The following KAT6A variants were observed in gnomAD, a reference collection of about 807,000 sequenced individuals.
The protein encoded by KAT6A is histone acetyltransferase KAT6A.
A neutral mutation model predicts 198.4 loss-of-function variants in KAT6A; 9 were observed. That is an observed-to-expected ratio of 0.05 (90% CI 0.03 to 0.08). The LOEUF is 0.08. KAT6A is among the 10% of genes least tolerant of loss of function. The pLI is 1.00. For synonymous variants in KAT6A, 890 were observed against 883.0 expected, an observed-to-expected ratio of 1.01 and a Z score of -0.14; for missense variants, 2,077 against 2,509.9, an observed-to-expected ratio of 0.83 and a Z score of 3.69.
rs759971264 is a variant in KAT6A at position 41,934,143 on chromosome 8, A to G, written c.4077T>C (p.Ser1359=). The change falls in exon 17 of 17, where the codon AGT becomes AGC. Residue 1359 remains serine, a synonymous_variant. Transcript: ENST00000265713. ...CCTCTTTATCCTTTATCTTTTCCCTACTCTTCTGCATATTAGCATCTAAAA... is the reference window on the plus strand; with the variant it reads ...CCTCTTTATCCTTTATCTTTTCCCTGCTCTTCTGCATATTAGCATCTAAAA... The part of the protein sequence containing the change: ...ESFLDANMQK[S]REKIKDKEET... 10 of 1,611,868 alleles carry G rather than the reference A, an allele frequency of 6.2e-6. No homozygotes were observed. The South Asian group carries it at 1.1e-4, about 18-fold the overall frequency.
intron 1 of KAT6A, 64 bp downstream of exon 1, chr8:42,051,837 T>A (rs1480641078): frequency 6.8e-6 from 1 of 146,686 alleles, no homozygotes; most frequent in Non-Finnish European, 1.5e-5. Context: ...GAGTGGGCCC[T>A]GGAGCGGCTC....
intron 2 of KAT6A, among the ~76,000 whole-genome samples, chr8:42,033,738 T>C (rs1345526337): frequency 6.6e-6 from 1 of 152,200 alleles, no homozygotes; most frequent in Non-Finnish European, 1.5e-5. Flanking sequence ...ATGTCTGCTT[T>C]ACCTACTCTG....
intron 8 of KAT6A, among the ~76,000 whole-genome samples, chr8:41,962,404 T>C (rs1457703833): frequency 1.4e-4 from 22 of 152,178 alleles, no homozygotes; most frequent in Admixed American, 1.4e-3. Flanking sequence ...TCTCAGTAGA[T>C]GGCAACTCCG....
chr8:41,984,621 G>T (rs1824514878), intron 3 of KAT6A, among the ~76,000 whole-genome samples: 1 of 152,156 alleles, frequency 6.6e-6, no homozygotes. Flanking sequence ...CTAAGATTTA[G>T]AGTAATTTAT....
chr8:41,934,170 A>C lies in KAT6A; in HGVS notation c.4050T>G (p.Ser1350=). The change falls in exon 17 of 17, where the codon TCT becomes TCG. Residue 1350 remains serine (S), a synonymous_variant. Transcript: ENST00000265713. The part of the protein sequence containing the change: ...DVKEEPGVQE[S]FLDANMQKSR... ...TCTTCTGCATATTAGCATCTAAAAA[A>C]GACTCTTGAACACCAGGCTCCTCCT... 3 of 1,614,126 alleles carry C rather than the reference A, an allele frequency of 1.9e-6. No homozygotes were observed.
chr8:42,019,944 T>C (rs960141445), intron 2 of KAT6A, among the ~76,000 whole-genome samples: 1 of 152,206 alleles, frequency 6.6e-6, no homozygotes. Context: ...CAATCACATG[T>C]ATAATATATT....
At chr8:41,989,127 G>C (rs1450455330) in intron 2 of KAT6A, among the ~76,000 whole-genome samples, 1 of 152,122 alleles carries the variant, frequency 6.6e-6, no homozygotes, top group African/African-American at 2.4e-5. Flanking sequence ...AGCCCCACCA[G>C]GTTCAAAAAG....
At chr8:41,997,389 A>G (rs1825270610) in intron 2 of KAT6A, among the ~76,000 whole-genome samples, 1 of 152,212 alleles carries the variant, frequency 6.6e-6, no homozygotes, top group African/African-American at 2.4e-5. Flanking sequence ...AAACAGAATT[A>G]GAAATATAAT....
intron 2 of KAT6A, among the ~76,000 whole-genome samples, chr8:42,004,993 C>CTA (rs1427170810): frequency 6.6e-6 from 1 of 151,302 alleles, no homozygotes; most frequent in East Asian, 1.9e-4. Context: ...CCTTGTAAGT[C>CTA]TAGCTTCTTT....
intron 2 of KAT6A, among the ~76,000 whole-genome samples, chr8:42,002,990 G>A (rs1224552627): frequency 1.3e-5 from 2 of 152,154 alleles, no homozygotes. Flanking sequence ...CTATTAAGCT[G>A]CTGTGTCTCA....
At position 42,033,959 on chromosome 8, in the gene KAT6A, T is replaced by C. The variant is rs375765840; in HGVS notation, c.600+14419A>G. On this transcript the variant is annotated intron_variant, in intron 2 of 16. Coordinates refer to ENST00000265713, the MANE Select transcript of KAT6A (RefSeq NM_006766.5). ...AAAAAGTACTATGTAAAATGGTCTA[T>C]GATGCAAGTGTGTACGGACATATGC... 8.5e-5 allele frequency among the ~76,000 whole-genome samples: 13 copies of C among 152,316 alleles called. No homozygotes were observed. In the South Asian group the frequency reaches 1.7e-3, roughly 19 times the overall value.
Position 41,942,829 on chromosome 8 carries a change from T to C in KAT6A, c.2400A>G (p.Glu800=). The stretch of plus-strand genomic sequence containing the variant: ...ATTCTCTTTCCTGGCACTGTGGCTC[T>C]TCGTTTTCTCCTTCCTCAGCCTCCT... The part of the protein sequence containing the change: ...EEEEAEEGEN[E]EPQCQERELE... Residue 800 remains glutamate, a synonymous_variant, in exon 14 of 17, where the codon GAA becomes GAG. Coordinates refer to ENST00000265713, the MANE Select transcript of KAT6A (RefSeq NM_006766.5). 6.2e-7 allele frequency: 1 copy of C among 1,614,168 alleles called. No individual in the cohort carries two copies. The highest frequency in any genetic ancestry group is 2.2e-5 in the East Asian group (1 of 44,888).
rs775791546 is a variant in KAT6A at position 41,933,182 on chromosome 8, G to T, written c.5038C>A (p.Gln1680Lys). Residue 1680 changes from glutamine (Q) to lysine (K), a missense_variant, in exon 17 of 17, where the codon CAA (glutamine) becomes AAA (lysine). Gln to Lys is a moderately conservative substitution (Grantham distance 53). This residue lies in a region of KAT6A where 500 missense variants were observed against 577.2 expected (regional missense o/e 0.87). Coordinates refer to ENST00000265713, the MANE Select transcript of KAT6A (RefSeq NM_006766.5). The surrounding 1 kb of genome is among the most constrained non-coding windows in gnomAD (Gnocchi z 6.2). ...PQPPPPQQQP[Q>K]QQPQPQPQQP... Reference sequence around the variant, plus strand: ...TGGGGCTGAGGCTGCGGCTGCTGTTGCGGCTGCTGCTGGGGTGGTGGAGGC... The same window carrying T: ...TGGGGCTGAGGCTGCGGCTGCTGTTTCGGCTGCTGCTGGGGTGGTGGAGGC... 6.3e-7 allele frequency: 1 copy of T among 1,591,340 alleles called. No homozygotes were observed. Among genetic ancestry groups the T allele is most frequent in the South Asian group, 1.1e-5 (1 of 89,372 alleles).
At chr8:42,025,162 T>C (rs1361595451) in intron 2 of KAT6A, among the ~76,000 whole-genome samples, 2 of 152,072 alleles carry the variant, frequency 1.3e-5, no homozygotes, top group East Asian at 3.9e-4. Context: ...TATCTTATTA[T>C]AGTTTTGATT....
chr8:42,024,463 T>C (rs1239543442), intron 2 of KAT6A, among the ~76,000 whole-genome samples: 5 of 152,230 alleles, frequency 3.3e-5, no homozygotes, highest in Admixed American at 2.6e-4. Context: ...ACTTGAAATC[T>C]TCTAACTATT....
At chr8:42,036,566 T>C (rs10104224) in intron 2 of KAT6A, among the ~76,000 whole-genome samples, 43,978 of 151,586 alleles carry the variant, frequency 0.29, 6,507 homozygotes, top group Middle Eastern at 0.45. Context: ...TGAGCAGAGA[T>C]CGCACCACTG....
intron 9 of KAT6A, among the ~76,000 whole-genome samples, chr8:41,954,156 A>G (rs1822804742): frequency 6.6e-6 from 1 of 152,026 alleles, no homozygotes; most frequent in South Asian, 2.1e-4. Flanking sequence ...TGGCATTCTT[A>G]CCCCTATTTT....
At chr8:41,996,380 G>A (rs1825203404) in intron 2 of KAT6A, among the ~76,000 whole-genome samples, 1 of 152,154 alleles carries the variant, frequency 6.6e-6, no homozygotes, top group African/African-American at 2.4e-5. Flanking sequence ...AAAAGAGTAT[G>A]GAAGAAGTAC....
chr8:41,979,943 G>A (rs1214323587), intron 5 of KAT6A, among the ~76,000 whole-genome samples: 1 of 151,570 alleles, frequency 6.6e-6, no homozygotes, highest in Admixed American at 6.6e-5. Flanking sequence ...AGGCTGCAGT[G>A]AGCCAAGATC....
Sources: allele counts gnomAD v4.1 joint callset (sites outside exome capture counted in the v4.1 genomes callset), GRCh38; gene constraint gnomAD v4.1.1; regional missense constraint gnomAD v4.1.1; non-coding constraint Gnocchi (gnomAD v3.1); transcripts MANE v1.5; gene names NCBI Gene and HGNC (gene_info 2026-07-23, HGNC 2026-07-21).